Variants in MED27 observed in about 807,000 individuals in gnomAD.
MED27 encodes the protein mediator of RNA polymerase II transcription subunit 27.
Under a neutral mutation model 38.2 loss-of-function variants are expected in MED27, and 30 were observed. The observed-to-expected ratio is 0.79, with a 90% CI of 0.59 to 1.07. The LOEUF (loss-of-function observed/expected upper bound fraction) is 1.07. Among genes scored for constraint, MED27 ranks in the 50% least tolerant of loss-of-function variants. The pLI, the probability that MED27 is intolerant of heterozygous loss-of-function variation, is 0.00. For synonymous variants in MED27, 122 were observed against 153.5 expected, an observed-to-expected ratio of 0.79 and a Z score of 1.52; for missense variants, 289 against 397.5, an observed-to-expected ratio of 0.73 and a Z score of 2.32.
chr9:131,887,795 A>G (rs564026277), intron 5 of MED27, among the ~76,000 whole-genome samples: 25 of 152,258 alleles, frequency 1.6e-4, no homozygotes, highest in Non-Finnish European at 3.4e-4. Context: ...CTGAGCAAGC[A>G]TAAGAAAGAT....
chr9:131,990,787 G>C (rs766655881), intron 3 of MED27, among the ~76,000 whole-genome samples: 5 of 152,168 alleles, frequency 3.3e-5, no homozygotes, highest in Non-Finnish European at 7.3e-5. Context: ...GCACCTCCTG[G>C]AGGACTGCGG....
intron 2 of MED27, among the ~76,000 whole-genome samples, chr9:132,017,786 T>A (rs1045843224): frequency 2.6e-5 from 4 of 152,240 alleles, no homozygotes; most frequent in Admixed American, 1.3e-4. Flanking sequence ...GATTTTTCTA[T>A]CAGTTCTCAA....
At position 132,010,407 on chromosome 9, in the gene MED27, A is replaced by C. The variant is rs371368766; in HGVS notation, c.479+3930T>G. Among the ~76,000 whole-genome samples, 151 of 152,332 alleles carry C rather than the reference A, an allele frequency of 9.9e-4. No individual in the cohort carries two copies. In the East Asian group the frequency reaches 0.019, roughly 19 times the overall value. On this transcript the variant is annotated intron_variant, in intron 3 of 7. Transcript: ENST00000292035. Reference sequence around the variant, plus strand: ...ACAGGTGCTGGAGAGGATGTGGAGAAATAGGAACACTTTTACACTGTTGGT... The same window carrying C: ...ACAGGTGCTGGAGAGGATGTGGAGACATAGGAACACTTTTACACTGTTGGT...
chr9:131,965,336 A>C (rs1831314857), intron 3 of MED27, among the ~76,000 whole-genome samples: 1 of 152,228 alleles, frequency 6.6e-6, no homozygotes, highest in African/African-American at 2.4e-5. Context: ...CCTGACTCTC[A>C]TGAACAAAGC....
intron 2 of MED27, among the ~76,000 whole-genome samples, chr9:132,046,015 G>A (rs1163253116): frequency 6.6e-6 from 1 of 152,194 alleles, no homozygotes; most frequent in East Asian, 1.9e-4. Context: ...TGGAACCTTG[G>A]TCCCTGGAAA....
chr9:132,015,323 T>C (rs1269167266), intron 2 of MED27, among the ~76,000 whole-genome samples: 1 of 152,238 alleles, frequency 6.6e-6, no homozygotes, highest in Non-Finnish European at 1.5e-5. Context: ...ATGCTTTAAA[T>C]GTGTCTGGTG....
rs1384840275 is a variant in MED27 at position 131,906,458 on chromosome 9, G to A, written c.574-12466C>T. Among the ~76,000 whole-genome samples, 5 of 152,244 alleles carry A rather than the reference G, an allele frequency of 3.3e-5. No homozygotes were observed. In the East Asian group the frequency reaches 5.8e-4, roughly 18 times the overall value. On this transcript the variant is annotated intron_variant, in intron 4 of 7. Coordinates refer to ENST00000292035, the MANE Select transcript of MED27 (RefSeq NM_004269.4). Reference sequence around the variant, plus strand: ...GCATCCTAGGAACAGAAAGGAGGTCGGACAGGTGGGCAAGAGTGTGGCTGG... The same window carrying A: ...GCATCCTAGGAACAGAAAGGAGGTCAGACAGGTGGGCAAGAGTGTGGCTGG...
chr9:131,972,721 G>T (rs886312063), intron 3 of MED27, among the ~76,000 whole-genome samples: 2 of 152,146 alleles, frequency 1.3e-5, no homozygotes, highest in Non-Finnish European at 2.9e-5. Flanking sequence ...TCATGGAAAA[G>T]AACTGTTATA....
intron 3 of MED27, among the ~76,000 whole-genome samples, chr9:131,945,968 T>TA (rs763561881): frequency 0.035 from 4,045 of 114,266 alleles, 206 homozygotes; most frequent in African/African-American, 0.11. Flanking sequence ...CCCTATCTCT[T>TA]AAAAAAAAAA....
At chr9:131,907,903 G>A (rs1481111185) in intron 4 of MED27, among the ~76,000 whole-genome samples, 7 of 150,360 alleles carry the variant, frequency 4.7e-5, no homozygotes, top group East Asian at 2.0e-4. Context: ...GCCTCTGCCC[G>A]GCCGCGACCC....
intron 4 of MED27, among the ~76,000 whole-genome samples, chr9:131,898,962 G>C (rs1043126750): frequency 2.0e-5 from 3 of 152,198 alleles, no homozygotes; most frequent in African/African-American, 7.2e-5. Flanking sequence ...TCTCGGCTCT[G>C]CTGTTGGAAA....
At chr9:132,036,589 G>A (rs1241177414) in intron 2 of MED27, among the ~76,000 whole-genome samples, 1 of 152,146 alleles carries the variant, frequency 6.6e-6, no homozygotes, top group Non-Finnish European at 1.5e-5. Context: ...AAAAGAGCAT[G>A]GCTCTACCAC....
chr9:132,041,708 T>C (rs1294574962), intron 2 of MED27, among the ~76,000 whole-genome samples: 1 of 152,232 alleles, frequency 6.6e-6, no homozygotes, highest in East Asian at 1.9e-4. Context: ...AAATAGTCAG[T>C]GTGCTGAAAA....
intron 4 of MED27, among the ~76,000 whole-genome samples, chr9:131,900,520 T>C (rs918141399): frequency 6.6e-6 from 1 of 152,150 alleles, no homozygotes; most frequent in African/African-American, 2.4e-5. Flanking sequence ...AGCTGGTCAC[T>C]TAAAATGATC....
At chr9:132,067,913 C>A (rs763971334) in intron 2 of MED27, among the ~76,000 whole-genome samples, 16 of 152,084 alleles carry the variant, frequency 1.1e-4, no homozygotes, top group Non-Finnish European at 1.3e-4. Flanking sequence ...GGGGTTTCAC[C>A]GTGTTAGCCA....
chr9:131,999,430 G>T (rs1157731282), intron 3 of MED27, among the ~76,000 whole-genome samples: 2 of 152,172 alleles, frequency 1.3e-5, no homozygotes, highest in African/African-American at 4.8e-5. Context: ...AAGGGTTAAA[G>T]ACAAGGTTTC....
At chr9:132,073,407 C>T in intron 2 of MED27, 1 of 1,067,656 alleles carries the variant, frequency 9.4e-7, no homozygotes, top group Non-Finnish European at 1.1e-6. Flanking sequence ...TGAATGATTA[C>T]AGTGTACCAG....
At chr9:131,999,344 T>C (rs1832169233) in intron 3 of MED27, among the ~76,000 whole-genome samples, 1 of 152,174 alleles carries the variant, frequency 6.6e-6, no homozygotes. Context: ...GATGTGTCCA[T>C]CAATGTCAGA....
intron 3 of MED27, among the ~76,000 whole-genome samples, chr9:132,009,219 T>C (rs996876178): frequency 2.0e-5 from 3 of 152,206 alleles, no homozygotes; most frequent in Non-Finnish European, 4.4e-5. Context: ...TGAGTAAATA[T>C]TTACTGAATA....
Sources: gnomAD v4.1 joint callset for allele counts (sites outside exome capture counted in the v4.1 genomes callset) on GRCh38, gnomAD v4.1.1 for gene constraint, MANE v1.5 for transcripts, NCBI Gene and HGNC (gene_info 2026-07-23, HGNC 2026-07-21) for gene names.